TMC2: variants seen among roughly 807,000 people sequenced by gnomAD.
The protein encoded by TMC2 is transmembrane channel-like protein 2.
In TMC2, 102 loss-of-function variants were observed where a neutral mutation model predicts 105.9. The ratio of observed to expected loss-of-function variants is 0.96; its 90% CI spans 0.82 to 1.14. The LOEUF is 1.14. TMC2 is among the 50% of genes most tolerant of loss of function. The pLI is 0.00. For synonymous variants in TMC2, 402 were observed against 422.8 expected, an observed-to-expected ratio of 0.95 and a Z score of 0.60; for missense variants, 1,093 against 1,134.3, an observed-to-expected ratio of 0.96 and a Z score of 0.52.
intron 9 of TMC2, among the ~76,000 whole-genome samples, 196 bp downstream of exon 9, chr20:2,595,163 T>C (rs13036745): frequency 0.21 from 32,112 of 152,104 alleles, 3,958 homozygotes; most frequent in South Asian, 0.31. Context: ...GGAAATAGGA[T>C]TGAAACCCCT....
intron 10 of TMC2, among the ~76,000 whole-genome samples, chr20:2,598,394 CTTTA>C (rs71193979): frequency 1.7e-3 from 244 of 139,960 alleles, no homozygotes; most frequent in African/African-American, 4.2e-3. Context: ...CTTGCCTCTA[CTTTA>C]TTTATTTATT....
At position 2,610,553 on chromosome 20, in the gene TMC2, C is replaced by A. The variant is rs749733881; in HGVS notation, c.1548C>A (p.Asn516Lys). Residue 516 changes from asparagine (N) to lysine (K), a missense_variant, in exon 12 of 20, where the codon AAC becomes AAA. Coordinates refer to ENST00000358864, the MANE Select transcript of TMC2 (RefSeq NM_080751.3). Reference sequence around the variant, plus strand: ...GCATCTTTGCACTCTTCCTGGGGAACCTCTACACATTTCTCTTGGCCCTGA... The same window carrying A: ...GCATCTTTGCACTCTTCCTGGGGAAACTCTACACATTTCTCTTGGCCCTGA... ...LGRIFALFLG[N>K]LYTFLLALMD... The A allele has an allele frequency of 3.1e-6, 5 of 1,612,494 alleles. No homozygotes were observed. The highest frequency in any genetic ancestry group is 4.2e-6 in the Non-Finnish European group (5 of 1,179,222).
In TMC2 at chr20:2,641,361, C is replaced by T. The variant is rs772193727; in HGVS notation, c.*10C>T. On this transcript the variant is annotated 3_prime_UTR_variant, in exon 20 of 20. Transcript: ENST00000358864. ...GAGACCTCCCCACTGATGGCTAGGA[C>T]TCCAGGGAGCCTCGACCCTAGGGCT... 2.5e-6 allele frequency: 4 copies of T among 1,591,478 alleles called. No homozygotes were observed. Among genetic ancestry groups the T allele is most frequent in the Non-Finnish European group, 3.4e-6 (4 of 1,160,920 alleles).
At chr20:2,576,950 C>A (rs2086151007) in intron 5 of TMC2, among the ~76,000 whole-genome samples, 3 of 146,886 alleles carry the variant, frequency 2.0e-5, no homozygotes, top group Admixed American at 1.4e-4. Flanking sequence ...GCTCTGTCAC[C>A]CTGGCTGGAG....
intron 5 of TMC2, among the ~76,000 whole-genome samples, chr20:2,578,669 T>A (rs936444159): frequency 2.0e-5 from 3 of 152,176 alleles, no homozygotes; most frequent in African/African-American, 7.2e-5. Context: ...GAGATCTCCT[T>A]ATCAGTTGCA....
chr20:2,537,333 G>A lies in TMC2; in HGVS notation c.82+17G>A. Reference sequence around the variant, plus strand: ...CACACACAGGTGAGATGGGGTGGTGGGGTCTCTGGGGAGCCTGCAGTGCCT... The same window carrying A: ...CACACACAGGTGAGATGGGGTGGTGAGGTCTCTGGGGAGCCTGCAGTGCCT... On this transcript the variant is annotated intron_variant, in intron 2 of 19. Transcript: ENST00000358864. 2 of 1,590,306 alleles carry A rather than the reference G, an allele frequency of 1.3e-6. No individual in the cohort carries two copies. Among genetic ancestry groups the A allele is most frequent in the Non-Finnish European group, 8.6e-7 (1 of 1,167,890 alleles).
intron 2 of TMC2, among the ~76,000 whole-genome samples, chr20:2,549,885 G>A (rs780961854): frequency 2.0e-5 from 3 of 151,830 alleles, no homozygotes; most frequent in Non-Finnish European, 4.4e-5. Context: ...AAATTTTGCC[G>A]AAATTACAGA....
At chr20:2,618,564 C>G (rs1330997615) in intron 16 of TMC2, among the ~76,000 whole-genome samples, 1 of 152,208 alleles carries the variant, frequency 6.6e-6, no homozygotes. Context: ...CAACTGAGCT[C>G]TCTGCTCTCC....
intron 4 of TMC2, among the ~76,000 whole-genome samples, chr20:2,568,362 G>A (rs4815352): frequency 0.5 from 75,520 of 151,978 alleles, 19,438 homozygotes; most frequent in South Asian, 0.65. Flanking sequence ...TTCAAAAAAA[G>A]TTTGCTGTGC....
chr20:2,581,492 C>T (rs1464957205), intron 7 of TMC2, among the ~76,000 whole-genome samples: 1 of 152,224 alleles, frequency 6.6e-6, no homozygotes, highest in Non-Finnish European at 1.5e-5. Context: ...AACACTCTTA[C>T]ACCAAGTCTG....
intron 2 of TMC2, among the ~76,000 whole-genome samples, chr20:2,545,448 A>G (rs1297936808): frequency 6.6e-6 from 1 of 152,206 alleles, no homozygotes; most frequent in Non-Finnish European, 1.5e-5. Flanking sequence ...TTAGTTTACA[A>G]AGGTAACAAG....
chr20:2,613,308 T>G lies in TMC2; in HGVS notation c.1858T>G (p.Leu620Val). The change falls in exon 14 of 20, where the codon TTG (leucine) becomes GTG (valine). Residue 620 changes from leucine (L) to valine (V), a missense_variant. Transcript: ENST00000358864. ...RFMNYCWCWDLEAGFPSYAEF... is the reference protein window; with the variant it reads ...RFMNYCWCWDVEAGFPSYAEF... Reference sequence around the variant, plus strand: ...CATGAACTACTGCTGGTGCTGGGACTTGGAGGCTGGATTTGTAGGTCACCA... The same window carrying G: ...CATGAACTACTGCTGGTGCTGGGACGTGGAGGCTGGATTTGTAGGTCACCA... 1 of 1,614,106 alleles carries G rather than the reference T, an allele frequency of 6.2e-7. No individual in the cohort carries two copies. Among genetic ancestry groups the G allele is most frequent in the Non-Finnish European group, 8.5e-7 (1 of 1,180,002 alleles).
At position 2,641,444 on chromosome 20, in the gene TMC2, T is replaced by A; in HGVS notation, c.*93T>A. 1.4e-6 allele frequency: 1 copy of A among 734,360 alleles called. No homozygotes were observed. The highest frequency in any genetic ancestry group is 2.3e-6 in the Non-Finnish European group (1 of 434,536). The allele number at this position is 734,360 out of a possible 1,614,324, so 45.5% of individuals were successfully genotyped here. ...AACCAAGGTTCTCTCCCCTCTTTCC[T>A]CTCACATACATGCTCTGTCTCCTCT... is the stretch of plus-strand genomic sequence containing the variant. On this transcript the variant is annotated 3_prime_UTR_variant, in exon 20 of 20. Transcript: ENST00000358864.
intron 2 of TMC2, among the ~76,000 whole-genome samples, chr20:2,555,384 C>T (rs1037502351): frequency 3.9e-5 from 6 of 152,076 alleles, no homozygotes; most frequent in African/African-American, 1.4e-4. Flanking sequence ...CCTGGTCTTG[C>T]CCTTCTTTAT....
chr20:2,625,569 G>A (rs922669917), intron 17 of TMC2, among the ~76,000 whole-genome samples: 5 of 152,294 alleles, frequency 3.3e-5, no homozygotes, highest in Admixed American at 6.5e-5. Flanking sequence ...TTATCCATGC[G>A]GATACATGAG....
chr20:2,625,100 T>C (rs1156382951), intron 17 of TMC2, among the ~76,000 whole-genome samples: 1 of 152,158 alleles, frequency 6.6e-6, no homozygotes. Context: ...AGGAAAGAAC[T>C]AGGGAAGAAA....
chr20:2,562,685 C>A (rs1423098966), intron 4 of TMC2, among the ~76,000 whole-genome samples: 1 of 152,220 alleles, frequency 6.6e-6, no homozygotes, highest in African/African-American at 2.4e-5. Context: ...TAGACTCACA[C>A]CTGTAATCCC....
intron 16 of TMC2, 23 bp downstream of exon 16, chr20:2,617,334 G>A (rs1331233136): frequency 6.2e-7 from 1 of 1,613,478 alleles, no homozygotes; most frequent in Admixed American, 1.7e-5. Flanking sequence ...AGTTGCCCGG[G>A]AGCACCTCCC....
Position 2,630,355 on chromosome 20 carries a change from G to A in TMC2, c.2307-5571G>A, listed in dbSNP as rs186252449. Among the ~76,000 whole-genome samples, 466 of 152,108 alleles carry A rather than the reference G, an allele frequency of 3.1e-3. 2 individuals carry two copies. The highest frequency in any genetic ancestry group is 5.9e-3 in the Non-Finnish European group (402 of 67,986). On this transcript the variant is annotated intron_variant, in intron 17 of 19. Coordinates refer to ENST00000358864, the MANE Select transcript of TMC2 (RefSeq NM_080751.3). Reference sequence around the variant, plus strand: ...CTCCCTTAAATTCTGTTTTTGCTTCGTATGTTTTAAGGCTGTGTTGTTAGG... The same window carrying A: ...CTCCCTTAAATTCTGTTTTTGCTTCATATGTTTTAAGGCTGTGTTGTTAGG...
Sources: gnomAD v4.1 joint callset for allele counts (sites outside exome capture counted in the v4.1 genomes callset) on GRCh38, gnomAD v4.1.1 for gene constraint, MANE v1.5 for transcripts, NCBI Gene and HGNC (gene_info 2026-07-23, HGNC 2026-07-21) for gene names.